RNF20: variants seen among roughly 807,000 people sequenced by gnomAD.
RNF20 encodes E3 ubiquitin-protein ligase BRE1A.
RNF20 carries 84 observed loss-of-function variants against 126.2 expected under a neutral mutation model. The ratio of observed to expected loss-of-function variants is 0.67; its 90% CI spans 0.56 to 0.80. RNF20 has a LOEUF of 0.80. RNF20 is among the 30% of genes least tolerant of loss of function. The pLI is 0.00. For synonymous variants in RNF20, 400 were observed against 414.3 expected (o/e 0.97, Z 0.42); for missense variants, 869 against 1,188.2 (o/e 0.73, Z 3.95).
intron 16 of RNF20, 126 bp from the exon 17 acceptor site, chr9:101,560,675 G>A: frequency 1.1e-6 from 1 of 883,362 alleles, no homozygotes; most frequent in South Asian, 2.0e-5. Context: ...AGGGTTCATG[G>A]GCAAAATCAG....
At chr9:101,535,638 A>T in intron 2 of RNF20, 86 bp downstream of exon 2, 1 of 1,420,732 alleles carries the variant, frequency 7.0e-7, no homozygotes, top group Non-Finnish European at 9.6e-7. Flanking sequence ...TTTCTGGAGT[A>T]TGGGGAAGCT....
intron 18 of RNF20, 99 bp from the exon 19 acceptor site, chr9:101,561,811 A>G (rs983113609): frequency 1.2e-5 from 10 of 812,082 alleles, no homozygotes; most frequent in Non-Finnish European, 1.8e-5. Context: ...AAGGATAGAA[A>G]GTCCCCTCTT....
rs778672639 is a variant in RNF20, at chr9:101,540,925, A to T, written c.578A>T (p.Asp193Val). 1 of 1,614,088 alleles carries T rather than the reference A, an allele frequency of 6.2e-7. No individual in the cohort carries two copies. The highest frequency in any genetic ancestry group is 1.1e-5 in the South Asian group (1 of 91,078). The change falls in exon 5 of 20, where the codon GAT becomes GTT. Residue 193 changes from aspartate (D) to valine (V), a missense_variant. Coordinates refer to ENST00000389120, the MANE Select transcript of RNF20 (RefSeq NM_019592.7). ...GTGTCCCAGATTGTGACTGTTTATG[A>T]TAAATTGCAAGAAAAAGTGGAGCTC... ...RAVSQIVTVY[D>V]KLQEKVELLS...
chr9:101,547,006 A>G, intron 7 of RNF20, 40 bp downstream of exon 7: 8 of 1,612,086 alleles, frequency 5.0e-6, no homozygotes, highest in Non-Finnish European at 5.9e-6. Context: ...GAATCATTTT[A>G]AGGAGTGTTC....
At chr9:101,547,103 G>T in intron 7 of RNF20, 34 bp from the exon 8 acceptor site, 7 of 1,607,528 alleles carry the variant, frequency 4.4e-6, no homozygotes, top group Non-Finnish European at 4.3e-6. Flanking sequence ...AATCTTAAGA[G>T]TCTCTCACTA....
At position 101,555,898 on chromosome 9, in the gene RNF20, C is replaced by T. The variant is rs113250172; in HGVS notation, c.2169+1055C>T. Among the ~76,000 whole-genome samples, 1,165 of 150,986 alleles carry T rather than the reference C, an allele frequency of 7.7e-3. 20 individuals are homozygous for T. Among genetic ancestry groups the T allele is most frequent in the African/African-American group, 0.027 (1,122 of 41,152 alleles). Reference sequence around the variant, plus strand: ...TGCTGGAACCCAGGAGTGGAGGTTGCAGTGAGCCGAGATGGCGCCATTGCA... The same window carrying T: ...TGCTGGAACCCAGGAGTGGAGGTTGTAGTGAGCCGAGATGGCGCCATTGCA... On this transcript the variant is annotated intron_variant, in intron 15 of 19. Coordinates refer to ENST00000389120, the MANE Select transcript of RNF20 (RefSeq NM_019592.7).
intron 9 of RNF20, among the ~76,000 whole-genome samples, chr9:101,548,621 TG>T (rs921804527): frequency 2.3e-4 from 35 of 152,280 alleles, no homozygotes; most frequent in Middle Eastern, 3.4e-3. Flanking sequence ...TTAATAAAGC[TG>T]GGGGGAACAA....
intron 18 of RNF20, 96 bp from the exon 19 acceptor site, chr9:101,561,813 TC>T: frequency 1.2e-6 from 1 of 815,846 alleles, no homozygotes; most frequent in Non-Finnish European, 2.2e-6. Flanking sequence ...GGATAGAAAG[TC>T]CCCTCTTTTC....
intron 2 of RNF20, among the ~76,000 whole-genome samples, chr9:101,539,070 G>A (rs913077405): frequency 6.6e-6 from 1 of 152,154 alleles, no homozygotes; most frequent in African/African-American, 2.4e-5. Context: ...AAGAGATGGG[G>A]AATTGTTTTC....
intron 11 of RNF20, 112 bp downstream of exon 11, chr9:101,551,931 C>T (rs1043156375): frequency 2.3e-6 from 3 of 1,320,592 alleles, no homozygotes; most frequent in Non-Finnish European, 3.1e-6. Context: ...GTCATAAGTA[C>T]CTTAAATCCT....
At chr9:101,551,993 C>T in intron 11 of RNF20, 148 bp from the exon 12 acceptor site, 2 of 1,284,884 alleles carry the variant, frequency 1.6e-6, no homozygotes, top group Non-Finnish European at 2.2e-6. Flanking sequence ...CTCAAGTTGA[C>T]CAGTTTTGTT....
At chr9:101,552,824 G>A in intron 13 of RNF20, 71 bp downstream of exon 13, 1 of 1,401,318 alleles carries the variant, frequency 7.1e-7, no homozygotes, top group Non-Finnish European at 9.7e-7. Context: ...TGAAATGTTT[G>A]GTTGATGGCA....
At chr9:101,557,294 A>G in intron 15 of RNF20, 90 bp from the exon 16 acceptor site, 1 of 890,194 alleles carries the variant, frequency 1.1e-6, no homozygotes, top group East Asian at 2.5e-5. Context: ...ATTTATATCT[A>G]AATGAACAGT....
chr9:101,555,380 G>A (rs1016536949), intron 15 of RNF20, among the ~76,000 whole-genome samples: 1 of 151,634 alleles, frequency 6.6e-6, no homozygotes, highest in Admixed American at 6.6e-5. Context: ...TGTTAACTAT[G>A]GCTATTTTGG....
chr9:101,533,991 A>G (rs7034754), intron 1 of RNF20, 77 bp downstream of exon 1: 37,470 of 152,122 alleles, frequency 0.25, 4,925 homozygotes, highest in African/African-American at 0.32. Context: ...TTAGGGCCCA[A>G]CAGGACTGTG....
intron 9 of RNF20, among the ~76,000 whole-genome samples, chr9:101,549,667 C>G (rs1276561206): frequency 6.6e-6 from 1 of 152,084 alleles, no homozygotes; most frequent in Non-Finnish European, 1.5e-5. Flanking sequence ...CACCTGGTAA[C>G]GGGCGTCTTC....
intron 9 of RNF20, among the ~76,000 whole-genome samples, chr9:101,549,543 G>C (rs1367242872): frequency 6.6e-6 from 1 of 152,118 alleles, no homozygotes; most frequent in Non-Finnish European, 1.5e-5. Context: ...TCCACAAGAG[G>C]TGGAGGAGTA....
chr9:101,554,248 A>T lies in RNF20; in HGVS notation c.2019+143A>T, dbSNP rs112340281. On this transcript the variant is annotated intron_variant, in intron 14 of 19. Coordinates refer to ENST00000389120, the MANE Select transcript of RNF20 (RefSeq NM_019592.7). ...AACATTTTCTGCCTTTTCAAAGACC[A>T]TCTGAAGTAGAGATTTTAAAACTCT... 8.8e-4 allele frequency: 496 copies of T among 561,842 alleles called. 6 individuals carry two copies. Among genetic ancestry groups the T allele is most frequent in the African/African-American group, 2.0e-3 (103 of 52,296 alleles). The allele number at this position is 561,842 out of a possible 1,614,324, so 34.8% of individuals were successfully genotyped here.
At chr9:101,543,269 C>T (rs1010794954) in intron 5 of RNF20, among the ~76,000 whole-genome samples, 5 of 152,010 alleles carry the variant, frequency 3.3e-5, no homozygotes. Flanking sequence ...ACTGTCTAAC[C>T]TGCCACGGCA....
Sources: allele counts gnomAD v4.1 joint callset (sites outside exome capture counted in the v4.1 genomes callset), GRCh38; gene constraint gnomAD v4.1.1; transcripts MANE v1.5; gene names NCBI Gene and HGNC (gene_info 2026-07-23, HGNC 2026-07-21).